Variants in BRINP3 observed in about 807,000 individuals in gnomAD.
BRINP3 encodes BMP/retinoic acid inducible neural specific 3, also known as BMP/retinoic acid-inducible neural-specific protein 3.
In BRINP3, 19 loss-of-function variants were observed where a neutral mutation model predicts 71.0. The observed-to-expected ratio is 0.27, with a 90% confidence interval of 0.19 to 0.39. The LOEUF (loss-of-function observed/expected upper bound fraction) is 0.39, where lower values mean the gene tolerates loss of function less well. Ranked by LOEUF, BRINP3 falls within the 10% of genes least tolerant of loss-of-function variation. The pLI is 1.00. For missense variants in BRINP3, 959 were observed against 940.8 expected (o/e 1.02, Z -0.25); for synonymous variants, 380 against 337.7 (o/e 1.13, Z -1.37).
chr1:190,418,771 T>C (rs957784815), intron 2 of BRINP3, among the ~76,000 whole-genome samples: 1 of 152,120 alleles, frequency 6.6e-6, no homozygotes, highest in African/African-American at 2.4e-5. Context: ...ACGTAAGGTA[T>C]GAAGGGAATA....
chr1:190,275,824 CT>C (rs1204503235), intron 3 of BRINP3, among the ~76,000 whole-genome samples: 1 of 151,402 alleles, frequency 6.6e-6, no homozygotes, highest in African/African-American at 2.4e-5. Flanking sequence ...CTTGTTTATT[CT>C]TATTATTTAC....
chr1:190,442,906 C>CTTTTT (rs757648847), intron 2 of BRINP3, among the ~76,000 whole-genome samples: 1 of 101,576 alleles, frequency 9.8e-6, no homozygotes, highest in Admixed American at 1.0e-4. Flanking sequence ...GTCTCTGTAT[C>CTTTTT]TTTTTTTTTT....
intron 1 of BRINP3, among the ~76,000 whole-genome samples, chr1:190,458,772 A>T (rs185306666): frequency 6.6e-6 from 1 of 152,090 alleles, no homozygotes; most frequent in Non-Finnish European, 1.5e-5. Flanking sequence ...GATAGAAATT[A>T]TTAAACTAAT....
chr1:190,365,717 C>A, intron 2 of BRINP3, among the ~76,000 whole-genome samples: 1 of 140,692 alleles, frequency 7.1e-6, no homozygotes, highest in Non-Finnish European at 1.5e-5. Context: ...TATAATAGTG[C>A]TATAATATTA....
At chr1:190,308,984 A>G (rs548869377) in intron 2 of BRINP3, among the ~76,000 whole-genome samples, 3 of 152,066 alleles carry the variant, frequency 2.0e-5, no homozygotes, top group South Asian at 4.1e-4. Context: ...TCAAATAAAT[A>G]TTTGTATACC....
rs144865326 is a variant in BRINP3, at chr1:190,246,053, G to C, written c.619-11576C>G. On this transcript the variant is annotated intron_variant, in intron 4 of 7. Coordinates refer to ENST00000367462, the MANE Select transcript of BRINP3 (RefSeq NM_199051.3). ...AGTCTTTGCTATTGTGAATAGTGCCGCAATAAACATACGTGTGCATGTGTC... is the reference window on the plus strand; with the variant it reads ...AGTCTTTGCTATTGTGAATAGTGCCCCAATAAACATACGTGTGCATGTGTC... Among the ~76,000 whole-genome samples, 94 of 150,514 alleles carry C rather than the reference G, an allele frequency of 6.2e-4. 3 individuals carry two copies. In the East Asian group the frequency reaches 0.014, roughly 23 times the overall value.
chr1:190,410,601 A>G (rs184866247), intron 2 of BRINP3, among the ~76,000 whole-genome samples: 14 of 152,242 alleles, frequency 9.2e-5, no homozygotes, highest in Middle Eastern at 3.4e-3. Flanking sequence ...AAAAAATAGA[A>G]CATCTAAAGG....
chr1:190,304,045 A>C (rs1251974272), intron 2 of BRINP3, among the ~76,000 whole-genome samples: 1 of 151,830 alleles, frequency 6.6e-6, no homozygotes, highest in Admixed American at 6.6e-5. Flanking sequence ...ATTTTAAAAA[A>C]ATGGAAACCT....
intron 2 of BRINP3, among the ~76,000 whole-genome samples, chr1:190,293,136 C>A (rs1046381830): frequency 6.6e-6 from 1 of 151,790 alleles, no homozygotes; most frequent in African/African-American, 2.4e-5. Flanking sequence ...TATGTGAAGT[C>A]TTTTTGTTGT....
chr1:190,334,031 A>G (rs1011907327), intron 2 of BRINP3, among the ~76,000 whole-genome samples: 1 of 151,890 alleles, frequency 6.6e-6, no homozygotes, highest in Non-Finnish European at 1.5e-5. Context: ...CTATATGAGC[A>G]TGCACTTCCT....
At chr1:190,262,933 TTGTGCCACATACTTCTCC>T (rs1395845933) in intron 4 of BRINP3, among the ~76,000 whole-genome samples, 3 of 152,064 alleles carry the variant, frequency 2.0e-5, no homozygotes, top group African/African-American at 7.2e-5. Context: ...ATTTCTTTTT[TTGTGCCACATACTTCTCC>T]TGTGGGAGAA....
At chr1:190,099,749 T>C (rs1651532870) in intron 7 of BRINP3, among the ~76,000 whole-genome samples, 1 of 152,188 alleles carries the variant, frequency 6.6e-6, no homozygotes, top group Non-Finnish European at 1.5e-5. Flanking sequence ...TTAAAACATG[T>C]TTATTCTTAC....
intron 2 of BRINP3, among the ~76,000 whole-genome samples, chr1:190,418,354 A>C (rs1673140467): frequency 6.6e-6 from 1 of 151,986 alleles, no homozygotes; most frequent in African/African-American, 2.4e-5. Flanking sequence ...CAGCCTTCTT[A>C]TTCTTTTTAT....
At chr1:190,187,817 G>T (rs1354949427) in intron 6 of BRINP3, among the ~76,000 whole-genome samples, 2 of 151,614 alleles carry the variant, frequency 1.3e-5, no homozygotes, top group African/African-American at 4.8e-5. Context: ...ATAGTGTGAT[G>T]TCTCCAGGTT....
intron 2 of BRINP3, among the ~76,000 whole-genome samples, chr1:190,344,152 T>A (rs1667856173): frequency 6.6e-6 from 1 of 151,822 alleles, no homozygotes; most frequent in Non-Finnish European, 1.5e-5. Flanking sequence ...CTATTACTAA[T>A]ATAAAAAATA....
intron 6 of BRINP3, among the ~76,000 whole-genome samples, chr1:190,185,039 C>A (rs576188704): frequency 6.6e-6 from 1 of 152,200 alleles, no homozygotes; most frequent in East Asian, 1.9e-4. Context: ...TGACATTTGC[C>A]TTGCCAATTA....
intron 7 of BRINP3, among the ~76,000 whole-genome samples, chr1:190,102,873 C>T (rs12142564): frequency 0.1 from 15,213 of 151,854 alleles, 855 homozygotes; most frequent in Middle Eastern, 0.13. Flanking sequence ...AAATATCTTC[C>T]GGAGTTCACT....
At chr1:190,174,890 T>C (rs1314707240) in intron 6 of BRINP3, among the ~76,000 whole-genome samples, 1 of 152,164 alleles carries the variant, frequency 6.6e-6, no homozygotes, top group African/African-American at 2.4e-5. Flanking sequence ...ATTTTTCCCC[T>C]GAAATATGCC....
At chr1:190,303,133 G>A (rs1281757930) in intron 2 of BRINP3, among the ~76,000 whole-genome samples, 1 of 151,542 alleles carries the variant, frequency 6.6e-6, no homozygotes, top group Admixed American at 6.6e-5. Context: ...TGAATATAGA[G>A]CAGATGGAAA....
Sources: gnomAD v4.1 joint callset for allele counts (sites outside exome capture counted in the v4.1 genomes callset) on GRCh38, gnomAD v4.1.1 for gene constraint, MANE v1.5 for transcripts, NCBI Gene and HGNC (gene_info 2026-07-23, HGNC 2026-07-21) for gene names.